Variants in GRM8 observed in about 807,000 individuals in gnomAD.
The protein encoded by GRM8 is glutamate metabotropic receptor 8.
GRM8 carries 47 observed loss-of-function variants against 87.2 expected under a neutral mutation model. The observed-to-expected ratio is 0.54, with a 90% CI of 0.43 to 0.69. The LOEUF (loss-of-function observed/expected upper bound fraction) is 0.69. GRM8 is among the 30% of genes least tolerant of loss of function. The pLI is 0.00. For missense variants in GRM8, 1,019 were observed against 1,139.2 expected (o/e 0.89, Z 1.52); for synonymous variants, 396 against 404.5 (o/e 0.98, Z 0.25).
Position 126,678,344 on chromosome 7 carries a change from T to C in GRM8, c.1358-68846A>G, listed in dbSNP as rs555956876. Among the ~76,000 whole-genome samples the C allele has an allele frequency of 9.2e-5, 14 of 152,322 alleles. No homozygotes were observed. In the South Asian group the frequency reaches 2.9e-3, roughly 32 times the overall value. On this transcript the variant is annotated intron_variant, in intron 7 of 10. Transcript: ENST00000339582. ...TTCTTGATTCAAAGAAAACAAAGAA[T>C]ACCGTGGAGTAATCTGATTCTGAAG...
chr7:127,110,276 C>G (rs141864046), intron 2 of GRM8, among the ~76,000 whole-genome samples: 1 of 152,236 alleles, frequency 6.6e-6, no homozygotes, highest in East Asian at 1.9e-4. Flanking sequence ...ATGAACACTC[C>G]CCTATGACAA....
chr7:126,839,173 G>A (rs916613), intron 6 of GRM8, among the ~76,000 whole-genome samples: 31,158 of 152,058 alleles, frequency 0.2, 3,596 homozygotes, highest in East Asian at 0.5. Flanking sequence ...CGCATCAACT[G>A]TAGAAAGTAG....
chr7:126,952,098 G>A (rs1366404006), intron 3 of GRM8, among the ~76,000 whole-genome samples: 1 of 151,804 alleles, frequency 6.6e-6, no homozygotes, highest in African/African-American at 2.4e-5. Flanking sequence ...AAAAAAATAA[G>A]CTTAGAATAT....
At chr7:127,089,334 C>CA (rs1300308081) in intron 3 of GRM8, among the ~76,000 whole-genome samples, 1 of 152,194 alleles carries the variant, frequency 6.6e-6, no homozygotes, top group African/African-American at 2.4e-5. Flanking sequence ...TGTAAGGAGC[C>CA]AGCCCTGCCT....
At chr7:127,056,676 T>A (rs1262467200) in intron 3 of GRM8, among the ~76,000 whole-genome samples, 2 of 152,238 alleles carry the variant, frequency 1.3e-5, no homozygotes, top group Non-Finnish European at 2.9e-5. Context: ...AGACACAGCC[T>A]GTTGGTTAAC....
At chr7:126,835,207 A>G (rs982010563) in intron 6 of GRM8, among the ~76,000 whole-genome samples, 2 of 152,260 alleles carry the variant, frequency 1.3e-5, no homozygotes, top group Non-Finnish European at 2.9e-5. Flanking sequence ...ATACAAATAC[A>G]TGAAACTACT....
intron 3 of GRM8, among the ~76,000 whole-genome samples, chr7:126,935,638 A>G (rs1399512885): frequency 2.6e-5 from 4 of 152,232 alleles, no homozygotes; most frequent in Admixed American, 6.5e-5. Flanking sequence ...ATGCAAAGGC[A>G]CAGGTGTGCA....
At chr7:126,497,724 G>C (rs1270027540) in intron 9 of GRM8, among the ~76,000 whole-genome samples, 3 of 151,922 alleles carry the variant, frequency 2.0e-5, no homozygotes, top group African/African-American at 7.2e-5. Context: ...AAACTTAAGG[G>C]CTGCATTGCA....
chr7:126,595,008 A>G (rs910675817), intron 8 of GRM8, among the ~76,000 whole-genome samples: 1 of 152,112 alleles, frequency 6.6e-6, no homozygotes, highest in Non-Finnish European at 1.5e-5. Flanking sequence ...TGGTACATTC[A>G]TCATTAGAGT....
chr7:126,994,326 A>G (rs1364675038), intron 3 of GRM8, among the ~76,000 whole-genome samples: 1 of 152,162 alleles, frequency 6.6e-6, no homozygotes, highest in Non-Finnish European at 1.5e-5. Flanking sequence ...ACCCTGAATC[A>G]CCAACAGCAA....
At chr7:126,532,760 T>C (rs1487696330) in intron 9 of GRM8, among the ~76,000 whole-genome samples, 192 bp downstream of exon 9, 7 of 108,476 alleles carry the variant, frequency 6.5e-5, no homozygotes, top group African/African-American at 2.4e-4. Context: ...CCTTGACGGA[T>C]GGAGATATAT....
At chr7:126,664,788 T>TA (rs1313663382) in intron 7 of GRM8, among the ~76,000 whole-genome samples, 2 of 152,094 alleles carry the variant, frequency 1.3e-5, no homozygotes, top group Admixed American at 1.3e-4. Context: ...CTAATTCAAC[T>TA]AAAGACCCTC....
At chr7:127,004,756 T>C (rs2132058792) in intron 3 of GRM8, among the ~76,000 whole-genome samples, 1 of 151,800 alleles carries the variant, frequency 6.6e-6, no homozygotes, top group Non-Finnish European at 1.5e-5. Flanking sequence ...TTATAATGAT[T>C]ATGTCTAGTA....
chr7:126,903,929 G>T (rs766065219), intron 5 of GRM8, 43 bp downstream of exon 5: 25 of 1,268,376 alleles, frequency 2.0e-5, no homozygotes, highest in Admixed American at 3.7e-5. Context: ...TTTGAGTTCA[G>T]ATCCAACTGG....
intron 7 of GRM8, among the ~76,000 whole-genome samples, chr7:126,768,938 A>AAAAC (rs1818528798): frequency 1.4e-5 from 2 of 148,064 alleles, no homozygotes; most frequent in African/African-American, 4.9e-5. Flanking sequence ...AAAAAAAAAA[A>AAAAC]AAATAAAGAA....
At chr7:127,069,518 A>T (rs1336576777) in intron 3 of GRM8, among the ~76,000 whole-genome samples, 1 of 152,158 alleles carries the variant, frequency 6.6e-6, no homozygotes, top group Non-Finnish European at 1.5e-5. Context: ...GTGGGTAGGA[A>T]ATTCTTTTGT....
intron 3 of GRM8, among the ~76,000 whole-genome samples, chr7:126,994,833 G>A (rs1813023440): frequency 6.6e-6 from 1 of 152,118 alleles, no homozygotes; most frequent in East Asian, 1.9e-4. Flanking sequence ...CTGCCCTGAA[G>A]GAAATGACAA....
intron 3 of GRM8, among the ~76,000 whole-genome samples, chr7:127,075,177 G>A (rs1218869735): frequency 6.6e-6 from 1 of 152,170 alleles, no homozygotes; most frequent in South Asian, 2.1e-4. Context: ...GGGTAAAGGT[G>A]GGAGATGGGA....
chr7:126,594,130 C>T (rs1055745153), intron 8 of GRM8, among the ~76,000 whole-genome samples: 3 of 151,884 alleles, frequency 2.0e-5, no homozygotes, highest in Non-Finnish European at 2.9e-5. Context: ...ATTTTGCAAG[C>T]TGTTGGTGGG....
Sources: allele counts gnomAD v4.1 joint callset (sites outside exome capture counted in the v4.1 genomes callset), GRCh38; gene constraint gnomAD v4.1.1; transcripts MANE v1.5; gene names NCBI Gene and HGNC (gene_info 2026-07-23, HGNC 2026-07-21).